KIAA1549: variants seen among roughly 807,000 people sequenced by gnomAD.
KIAA1549 encodes UPF0606 protein KIAA1549.
A neutral mutation model predicts 156.4 loss-of-function variants in KIAA1549; 70 were observed. That is an observed-to-expected ratio of 0.45 (90% CI 0.37 to 0.55). The LOEUF (loss-of-function observed/expected upper bound fraction) is 0.55. Ranked by LOEUF, KIAA1549 falls within the 20% of genes least tolerant of loss-of-function variation. KIAA1549 has a pLI of 0.00. For missense variants in KIAA1549, 2,428 were observed against 2,540.9 expected (o/e 0.96, Z 0.96); for synonymous variants, 1,103 against 1,066.4 (o/e 1.03, Z -0.67).
At chr7:138,980,045 G>T (rs1814498677) in intron 1 of KIAA1549, among the ~76,000 whole-genome samples, 1 of 152,234 alleles carries the variant, frequency 6.6e-6, no homozygotes, top group African/African-American at 2.4e-5. Flanking sequence ...CTTCAAATGT[G>T]TTCCAATTCC....
intron 15 of KIAA1549, among the ~76,000 whole-genome samples, chr7:138,867,544 G>C (rs901948645): frequency 2.8e-5 from 4 of 140,600 alleles, no homozygotes; most frequent in African/African-American, 1.1e-4. Context: ...AACAGAGTAA[G>C]ACCCTGTCCC....
At chr7:138,884,088 T>C (rs1001373639) in intron 10 of KIAA1549, among the ~76,000 whole-genome samples, 2 of 152,076 alleles carry the variant, frequency 1.3e-5, no homozygotes, top group African/African-American at 4.8e-5. Flanking sequence ...CAATAGCCAA[T>C]GGTTAAGTTG....
chr7:138,979,022 T>C (rs1334719957), intron 1 of KIAA1549, among the ~76,000 whole-genome samples: 4 of 152,208 alleles, frequency 2.6e-5, no homozygotes, highest in Admixed American at 6.5e-5. Flanking sequence ...GAATGGTCTG[T>C]GCAAGGGTTT....
chr7:138,840,729 G>A (rs958824736), intron 18 of KIAA1549, among the ~76,000 whole-genome samples: 2 of 152,086 alleles, frequency 1.3e-5, no homozygotes, highest in East Asian at 3.9e-4. Context: ...TCTTTCCTGC[G>A]CACTTCTACC....
intron 1 of KIAA1549, among the ~76,000 whole-genome samples, chr7:138,970,681 G>A (rs1814193082): frequency 6.6e-6 from 1 of 152,202 alleles, no homozygotes; most frequent in East Asian, 1.9e-4. Flanking sequence ...TGCTGATGCT[G>A]CTGATCCGGG....
chr7:138,962,462 T>A (rs1584787422), intron 1 of KIAA1549, among the ~76,000 whole-genome samples: 1 of 152,148 alleles, frequency 6.6e-6, no homozygotes, highest in African/African-American at 2.4e-5. Context: ...GCAGAATGCA[T>A]CAGAGACAAC....
At chr7:138,859,697 G>A (rs1180626333) in intron 16 of KIAA1549, among the ~76,000 whole-genome samples, 2 of 152,072 alleles carry the variant, frequency 1.3e-5, no homozygotes, top group Admixed American at 6.5e-5. Context: ...GCAACTGGAG[G>A]ACTCAGTTCA....
At position 138,834,718 on chromosome 7, in the gene KIAA1549, G is replaced by T. The variant is rs1809652515; in HGVS notation, c.*3188C>A. The T allele has an allele frequency of 4.3e-6, 1 of 232,616 alleles. No individual in the cohort carries two copies. The highest frequency in any genetic ancestry group is 2.2e-5 in the African/African-American group (1 of 45,312). 14.4% of individuals were successfully genotyped at this position (232,616 alleles called of 1,614,324 possible). A position where few individuals can be genotyped will look rare whatever the true frequency, so the allele number is the denominator to read the frequency against. Reference sequence around the variant, plus strand: ...GCTTTCGGTTTTGCTCATTACCCATGTGTGAACCCATTCACCGCAGTAGTG... The same window carrying T: ...GCTTTCGGTTTTGCTCATTACCCATTTGTGAACCCATTCACCGCAGTAGTG... On this transcript the variant is annotated 3_prime_UTR_variant, in exon 20 of 20. Transcript: ENST00000422774.
chr7:138,897,892 CAAAAAAAAAAAAAAAA>C (rs59242488), intron 9 of KIAA1549, among the ~76,000 whole-genome samples: 50 of 27,496 alleles, frequency 1.8e-3, no homozygotes, highest in African/African-American at 5.2e-3. Context: ...GACCCTTTCT[CAAAAAAAAAAAAAAAA>C]AAAAAAAAAA....
intron 17 of KIAA1549, among the ~76,000 whole-genome samples, chr7:138,850,598 C>T (rs979831974): frequency 6.6e-6 from 1 of 152,140 alleles, no homozygotes; most frequent in South Asian, 2.1e-4. Context: ...CGGTCAGATG[C>T]ATAATTTGCA....
intron 1 of KIAA1549, among the ~76,000 whole-genome samples, chr7:138,950,749 G>C (rs1211961583): frequency 2.0e-5 from 3 of 152,126 alleles, no homozygotes; most frequent in Non-Finnish European, 4.4e-5. Flanking sequence ...TCTTGGTATG[G>C]GGGTTCCCAC....
chr7:138,868,715 G>T lies in KIAA1549; in HGVS notation c.4776-587C>A, dbSNP rs537005176. On this transcript the variant is annotated intron_variant, in intron 14 of 19. Transcript: ENST00000422774. ...CCCAAAGTGCTGGAATTATAGGCGT[G>T]AGCCACCACGCCTGGCCCAGAACTA... Among the ~76,000 whole-genome samples the T allele has an allele frequency of 5.9e-5, 9 of 152,304 alleles. No homozygotes were observed. In the East Asian group the frequency reaches 1.7e-3, roughly 29 times the overall value.
At chr7:138,928,514 T>A (rs1218293720) in intron 1 of KIAA1549, among the ~76,000 whole-genome samples, 3 of 152,092 alleles carry the variant, frequency 2.0e-5, no homozygotes, top group African/African-American at 7.2e-5. Flanking sequence ...CTCAAACTCC[T>A]GACCTCAGGT....
rs1268393046 is a variant in KIAA1549 at position 138,918,002 on chromosome 7, A to G, written c.1624T>C (p.Ser542Pro). Residue 542 changes from serine to proline, a missense_variant, in exon 2 of 20, where the codon TCT becomes CCT. Transcript: ENST00000422774. This position sits in a 1 kb window ranked among gnomAD's most constrained non-coding sequence, Gnocchi z 4.2. ...GGCGTCACTTGGGTTTCAGCAACAGACAAGGAGCCAGCAGTAGGATCAAGT... is the reference window on the plus strand; with the variant it reads ...GGCGTCACTTGGGTTTCAGCAACAGGCAAGGAGCCAGCAGTAGGATCAAGT... ...ASLDPTAGSL[S>P]VAETQVTPSS... 2 of 1,601,584 alleles carry G rather than the reference A, an allele frequency of 1.2e-6. No homozygotes were observed. Among genetic ancestry groups the G allele is most frequent in the South Asian group, 1.1e-5 (1 of 89,124 alleles).
intron 1 of KIAA1549, among the ~76,000 whole-genome samples, chr7:138,935,555 G>A (rs576358077): frequency 6.6e-6 from 1 of 152,218 alleles, no homozygotes; most frequent in African/African-American, 2.4e-5. Flanking sequence ...CAGGGAAAAG[G>A]ACACCATCAG....
Position 138,835,109 on chromosome 7 carries a change from C to T in KIAA1549, c.*2797G>A, listed in dbSNP as rs1809669009. 1 of 224,174 alleles carries T rather than the reference C, an allele frequency of 4.5e-6. No individual in the cohort carries two copies. Among genetic ancestry groups the T allele is most frequent in the Non-Finnish European group, 8.9e-6 (1 of 112,286 alleles). The allele number at this position is 224,174 out of a possible 1,614,324, so 13.9% of individuals were successfully genotyped here. A position where few individuals can be genotyped will look rare whatever the true frequency, so the allele number is the denominator to read the frequency against. ...ATTGTAGAGTGCTTCCATAAACGGA[C>T]TCCAAAGCCACACGCTGTCAACGCA... On this transcript the variant is annotated 3_prime_UTR_variant, in exon 20 of 20. Transcript: ENST00000422774.
chr7:138,858,544 T>C (rs1206803368), intron 16 of KIAA1549, among the ~76,000 whole-genome samples: 3 of 152,200 alleles, frequency 2.0e-5, no homozygotes, highest in South Asian at 4.1e-4. Context: ...GGTTTAGATG[T>C]TATGGTTTTG....
At chr7:138,844,558 A>C in intron 17 of KIAA1549, 84 bp from the exon 18 acceptor site, 1 of 1,249,326 alleles carries the variant, frequency 8.0e-7, no homozygotes. Context: ...AACCTTACAG[A>C]AGGTAACACT....
Position 138,903,595 on chromosome 7 carries a change from A to C in KIAA1549, c.3662T>G (p.Val1221Gly), listed in dbSNP as rs758671475. 6.2e-7 allele frequency: 1 copy of C among 1,613,440 alleles called. No individual in the cohort carries two copies. Among genetic ancestry groups the C allele is most frequent in the African/African-American group, 1.3e-5 (1 of 74,826 alleles). The change falls in exon 8 of 20, where the codon GTG becomes GGG. Residue 1221 changes from valine to glycine, a missense_variant. Physicochemically the swap from Val to Gly is moderately radical, Grantham distance 109. Transcript: ENST00000422774. ...RRATVAAGNSVVQVVNVSRLE... is the reference protein window; with the variant it reads ...RRATVAAGNSGVQVVNVSRLE... Reference sequence around the variant, plus strand: ...TCCTTTGATGTGGAGTACCTGCACCACACTGTTCCCTGCAGCTACAGTGGC... The same window carrying C: ...TCCTTTGATGTGGAGTACCTGCACCCCACTGTTCCCTGCAGCTACAGTGGC...
Sources: gnomAD v4.1 joint callset for allele counts (sites outside exome capture counted in the v4.1 genomes callset) on GRCh38, gnomAD v4.1.1 for gene constraint, Gnocchi (gnomAD v3.1) non-coding constraint, MANE v1.5 for transcripts, NCBI Gene and HGNC (gene_info 2026-07-23, HGNC 2026-07-21) for gene names.